Variants in PCYT1B observed in about 807,000 individuals in gnomAD.
The protein encoded by PCYT1B is choline-phosphate cytidylyltransferase B.
In PCYT1B, 10 loss-of-function variants were observed where a neutral mutation model predicts 26.4. The ratio of observed to expected loss-of-function variants is 0.38; its 90% confidence interval spans 0.23 to 0.64. The LOEUF is 0.64. PCYT1B is among the 30% of genes least tolerant of loss of function. The probability of loss-of-function intolerance (pLI) is 0.56; values close to 1 mark genes in which losing one functional copy is unlikely to be tolerated. For missense variants in PCYT1B, 161 were observed against 292.7 expected (o/e 0.55, Z 3.28); for synonymous variants, 131 against 108.4 (o/e 1.21, Z -1.29).
intron 1 of PCYT1B, among the ~76,000 whole-genome samples, chrX:24,621,126 G>A (rs1366987171): frequency 2.7e-5 from 3 of 111,918 alleles, no homozygotes; most frequent in Admixed American, 9.6e-5. Flanking sequence ...GCTGGCGTTC[G>A]GTCAGGCGCC....
In PCYT1B at chrX:24,563,181, T is replaced by C. The variant is rs4297206; in HGVS notation, c.898-676A>G. ...CCCTGACCTCATACCCTCACAGATA[T>C]GAGGAGGAATCACACAATAAACAAA... On this transcript the variant is annotated intron_variant, in intron 7 of 7. Transcript: ENST00000379144. 0.018 allele frequency among the ~76,000 whole-genome samples: 1,937 copies of C among 110,498 alleles called. 60 individuals carry two copies. The East Asian group carries it at 0.18, about 11-fold the overall frequency.
At chrX:24,662,479 C>CAT (rs1927048761) in intron 1 of PCYT1B, among the ~76,000 whole-genome samples, 1 of 111,358 alleles carries the variant, frequency 9.0e-6, no homozygotes, top group Non-Finnish European at 1.9e-5. Flanking sequence ...GCCCCGGCAC[C>CAT]CTGATGACCT....
upstream of PCYT1B, among the ~76,000 whole-genome samples, chrX:24,649,112 T>G (rs1378509152): frequency 1.8e-5 from 2 of 110,929 alleles, no homozygotes; most frequent in Non-Finnish European, 3.8e-5. Context: ...AGAATTCCAG[T>G]GATGCTTCCT....
At chrX:24,579,125 A>G (rs1924118318) in intron 6 of PCYT1B, among the ~76,000 whole-genome samples, 191 bp downstream of exon 6, 1 of 109,226 alleles carries the variant, frequency 9.2e-6, no homozygotes, top group Non-Finnish European at 1.9e-5. Flanking sequence ...CTGTCTCAAA[A>G]AAAAAAAAAC....
At chrX:24,563,498 G>A (rs1036169140) in intron 7 of PCYT1B, among the ~76,000 whole-genome samples, 2 of 111,919 alleles carry the variant, frequency 1.8e-5, no homozygotes, top group African/African-American at 6.5e-5. Flanking sequence ...AGATGGGGAG[G>A]AGCTGAGGGA....
At chrX:24,654,875 G>A (rs1305095031) in intron 1 of PCYT1B, among the ~76,000 whole-genome samples, 1 of 109,992 alleles carries the variant, frequency 9.1e-6, no homozygotes, top group Non-Finnish European at 1.9e-5. Flanking sequence ...TACCTCCTAT[G>A]GAATTTTGCT....
intron 1 of PCYT1B, among the ~76,000 whole-genome samples, chrX:24,636,602 C>T (rs1926279055): frequency 8.9e-6 from 1 of 112,085 alleles, no homozygotes. Context: ...GAGAGTGAGA[C>T]TCTGTCTCAA....
chrX:24,572,627 A>G (rs1383151209), intron 7 of PCYT1B, among the ~76,000 whole-genome samples: 4 of 111,721 alleles, frequency 3.6e-5, no homozygotes, highest in African/African-American at 1.3e-4. Flanking sequence ...TATTCATGAA[A>G]AGCAAATTAC....
upstream of PCYT1B, among the ~76,000 whole-genome samples, chrX:24,651,469 AAAAATATATATATATATATATAT>A (rs1926770001): frequency 2.5e-5 from 1 of 39,562 alleles, no homozygotes; most frequent in African/African-American, 1.2e-4. Flanking sequence ...AAAAAAAAAA[AAAAATATATATATATATATATAT>A]ATATATATAT....
At chrX:24,670,780 A>G (rs994357638) in intron 1 of PCYT1B, among the ~76,000 whole-genome samples, 1 of 111,411 alleles carries the variant, frequency 9.0e-6, no homozygotes, top group Non-Finnish European at 1.9e-5. Context: ...ATGTCACCCT[A>G]TAATGTCAAC....
chrX:24,579,432 C>G lies in PCYT1B; in HGVS notation c.592G>C (p.Glu198Gln), dbSNP rs746011086. ...AGMFVPTQRT[E>Q]GISTSDIITR... ...ATGATGTCCGATGTTGAGATGCCTTCTGTTCTCTGCGTTGGAACGAACATC... is the reference window on the plus strand; with the variant it reads ...ATGATGTCCGATGTTGAGATGCCTTGTGTTCTCTGCGTTGGAACGAACATC... The change falls in exon 6 of 8, where the codon GAA becomes CAA. Residue 198 changes from glutamate to glutamine, a missense_variant. Glu to Gln is a conservative substitution (Grantham distance 29, BLOSUM62 2). Transcript: ENST00000379144. 8.3e-7 allele frequency: 1 copy of G among 1,210,128 alleles called. No individual in the cohort carries two copies. Among genetic ancestry groups the G allele is most frequent in the South Asian group, 1.8e-5 (1 of 56,843 alleles).
intron 1 of PCYT1B, among the ~76,000 whole-genome samples, chrX:24,622,210 A>G (rs976242136): frequency 1.8e-5 from 2 of 112,101 alleles, no homozygotes; most frequent in African/African-American, 6.5e-5. Flanking sequence ...ATTGCTTTCT[A>G]AAGCACAGCA....
At chrX:24,574,367 G>A in intron 7 of PCYT1B, among the ~76,000 whole-genome samples, 1 of 111,520 alleles carries the variant, frequency 9.0e-6, no homozygotes, top group African/African-American at 3.3e-5. Flanking sequence ...ATGCACAATA[G>A]AAATACCAAT....
chrX:24,646,192 G>A (rs1292869808), intron 1 of PCYT1B, among the ~76,000 whole-genome samples: 1 of 111,543 alleles, frequency 9.0e-6, no homozygotes, highest in Non-Finnish European at 1.9e-5. Context: ...ACATGCTGAG[G>A]TGGTTGGGAA....
chrX:24,620,652 C>G (rs1925673968), intron 1 of PCYT1B, among the ~76,000 whole-genome samples: 1 of 112,367 alleles, frequency 8.9e-6, no homozygotes, highest in African/African-American at 3.2e-5. Flanking sequence ...TAGCCATGTA[C>G]TTTAATTTGG....
At chrX:24,580,384 C>A (rs1321659633) in intron 5 of PCYT1B, among the ~76,000 whole-genome samples, 2 of 111,924 alleles carry the variant, frequency 1.8e-5, no homozygotes, top group African/African-American at 3.2e-5. Context: ...CCAAGGAAGT[C>A]TGCTCACATT....
At chrX:24,629,559 CAA>C (rs1165553186) in intron 1 of PCYT1B, among the ~76,000 whole-genome samples, 1,142 of 15,930 alleles carry the variant, frequency 0.072, 42 homozygotes, top group African/African-American at 0.25. Context: ...GACCCTGTCT[CAA>C]AAAAAAAAAA....
At chrX:24,598,578 C>T (rs1488559374) in intron 3 of PCYT1B, among the ~76,000 whole-genome samples, 1 of 110,951 alleles carries the variant, frequency 9.0e-6, no homozygotes, top group East Asian at 2.8e-4. Context: ...TACTCTTCTT[C>T]GTATAAATAT....
intron 7 of PCYT1B, among the ~76,000 whole-genome samples, chrX:24,563,719 G>T (rs1266355171): frequency 1.8e-5 from 2 of 111,517 alleles, no homozygotes; most frequent in Non-Finnish European, 3.8e-5. Flanking sequence ...CATATCAGGC[G>T]GCAGTTTCAC....
Sources: allele counts gnomAD v4.1 joint callset (sites outside exome capture counted in the v4.1 genomes callset), GRCh38; gene constraint gnomAD v4.1.1; transcripts MANE v1.5; gene names NCBI Gene and HGNC (gene_info 2026-07-23, HGNC 2026-07-21).